Variants in CAMSAP2 observed in about 807,000 individuals in gnomAD.
The protein encoded by CAMSAP2 is calmodulin-regulated spectrin-associated protein 2.
In CAMSAP2, 26 loss-of-function variants were observed where a neutral mutation model predicts 146.1. The observed-to-expected ratio is 0.18, with a 90% confidence interval of 0.13 to 0.25. The LOEUF (loss-of-function observed/expected upper bound fraction) is 0.25. CAMSAP2 is among the 10% of genes least tolerant of loss of function. CAMSAP2 has a pLI of 1.00. For missense variants in CAMSAP2, 1,381 were observed against 1,759.3 expected (o/e 0.78, Z 3.85); for synonymous variants, 499 against 596.6 (o/e 0.84, Z 2.38).
In CAMSAP2 at chr1:200,848,641, C is replaced by T. The variant is rs184508081; in HGVS notation, c.1872C>T (p.Asp624=). The change falls in exon 11 of 17, where the codon GAC becomes GAT. Residue 624 remains aspartate (D), a synonymous_variant. Coordinates refer to ENST00000358823, the MANE Select transcript of CAMSAP2 (RefSeq NM_203459.4). ...CAGAAGATATTCCTGAAACTATGGACGAAGATTCTTCGTTGAGAGATTATA... is the reference window on the plus strand; with the variant it reads ...CAGAAGATATTCCTGAAACTATGGATGAAGATTCTTCGTTGAGAGATTATA... The part of the protein sequence containing the change: ...VPSEDIPETM[D]EDSSLRDYTV... 1.5e-5 allele frequency: 25 copies of T among 1,614,076 alleles called. No homozygotes were observed. Among genetic ancestry groups the T allele is most frequent in the Admixed American group, 1.2e-4 (7 of 60,014 alleles).
chr1:200,828,617 C>T (rs1421383559), intron 4 of CAMSAP2: 24 of 1,549,006 alleles, frequency 1.5e-5, no homozygotes, highest in East Asian at 2.4e-5. Context: ...TAAGTTTGCT[C>T]AGCTACTTCA....
At chr1:200,741,849 A>G (rs553566744) in intron 1 of CAMSAP2, among the ~76,000 whole-genome samples, 1 of 152,356 alleles carries the variant, frequency 6.6e-6, no homozygotes, top group African/African-American at 2.4e-5. Flanking sequence ...TTAGAGATTG[A>G]TAACAAGTCT....
At chr1:200,760,400 G>C (rs1255408759) in intron 1 of CAMSAP2, among the ~76,000 whole-genome samples, 1 of 152,196 alleles carries the variant, frequency 6.6e-6, no homozygotes, top group East Asian at 1.9e-4. Flanking sequence ...GTAAAACTGG[G>C]CAGATGATTT....
intron 2 of CAMSAP2, among the ~76,000 whole-genome samples, chr1:200,770,374 C>T (rs768328858): frequency 3.3e-5 from 5 of 151,928 alleles, no homozygotes; most frequent in South Asian, 4.2e-4. Context: ...ATTCTGTTTA[C>T]ACCATGAGGC....
chr1:200,757,567 C>A (rs1312553579), intron 1 of CAMSAP2, among the ~76,000 whole-genome samples: 4 of 151,342 alleles, frequency 2.6e-5, no homozygotes, highest in African/African-American at 4.9e-5. Context: ...TTTGATTTTG[C>A]TGTTTATTTT....
At chr1:200,806,743 T>TTG (rs138066870) in intron 2 of CAMSAP2, among the ~76,000 whole-genome samples, 7,934 of 144,554 alleles carry the variant, frequency 0.055, 330 homozygotes, top group Admixed American at 0.094. Context: ...TTCCATATAA[T>TTG]TGTGTGTGTG....
intron 3 of CAMSAP2, among the ~76,000 whole-genome samples, chr1:200,811,404 TA>T (rs1197177377): frequency 1.3e-5 from 2 of 152,180 alleles, no homozygotes; most frequent in African/African-American, 4.8e-5. Context: ...AGTATCCAGC[TA>T]CTCTAGCAGT....
chr1:200,845,205 T>A (rs1667427958), intron 8 of CAMSAP2, among the ~76,000 whole-genome samples: 1 of 151,960 alleles, frequency 6.6e-6, no homozygotes, highest in Non-Finnish European at 1.5e-5. Flanking sequence ...GAAATTCTAT[T>A]AGGACTTTTA....
chr1:200,792,314 A>G (rs1006634555), intron 2 of CAMSAP2, among the ~76,000 whole-genome samples: 1 of 152,218 alleles, frequency 6.6e-6, no homozygotes, highest in Non-Finnish European at 1.5e-5. Context: ...AAAGAAATGA[A>G]CTATTGATAC....
rs776831948 is a variant in CAMSAP2 at position 200,847,991 on chromosome 1, C to A, written c.1263-41C>A. 2.3e-6 allele frequency: 3 copies of A among 1,290,446 alleles called. No individual in the cohort carries two copies. The East Asian group carries it at 7.0e-5, about 30-fold the overall frequency. The allele number at this position is 1,290,446 out of a possible 1,614,324, so 79.9% of individuals were successfully genotyped here. On this transcript the variant is annotated intron_variant, in intron 10 of 16. Coordinates refer to ENST00000358823, the MANE Select transcript of CAMSAP2 (RefSeq NM_203459.4). ...TGTTAAATGATACTAAAAATCATTT[C>A]TAGGATTTTTAAAGGATTTTTCTCT...
intron 2 of CAMSAP2, among the ~76,000 whole-genome samples, chr1:200,774,220 A>T (rs1248706172): frequency 6.6e-6 from 1 of 152,152 alleles, no homozygotes; most frequent in African/African-American, 2.4e-5. Flanking sequence ...GGAATAAAAT[A>T]GGTGGTCATT....
intron 2 of CAMSAP2, among the ~76,000 whole-genome samples, chr1:200,768,552 G>A (rs1011904208): frequency 1.3e-5 from 2 of 152,184 alleles, no homozygotes; most frequent in African/African-American, 4.8e-5. Context: ...GTGGTGTATT[G>A]TAGAAGAGAT....
chr1:200,821,181 CT>C (rs1004489840), intron 4 of CAMSAP2, among the ~76,000 whole-genome samples: 16 of 148,056 alleles, frequency 1.1e-4, no homozygotes, highest in Middle Eastern at 3.5e-3. Context: ...TCTTCTTCTT[CT>C]TTTTTTTTTT....
chr1:200,782,178 T>C (rs950294656), intron 2 of CAMSAP2, among the ~76,000 whole-genome samples: 3 of 152,186 alleles, frequency 2.0e-5, no homozygotes, highest in African/African-American at 7.2e-5. Flanking sequence ...TAGAGCAGTT[T>C]GATATACATC....
chr1:200,795,567 A>G (rs1665863804), intron 2 of CAMSAP2, among the ~76,000 whole-genome samples: 1 of 152,178 alleles, frequency 6.6e-6, no homozygotes, highest in South Asian at 2.1e-4. Flanking sequence ...TATAGTCCAG[A>G]TGAAGTCGAT....
At chr1:200,821,947 T>C (rs1666776178) in intron 4 of CAMSAP2, among the ~76,000 whole-genome samples, 1 of 152,168 alleles carries the variant, frequency 6.6e-6, no homozygotes, top group South Asian at 2.1e-4. Flanking sequence ...TGGATTGGTA[T>C]AGATCTAATA....
At chr1:200,785,863 A>AT (rs1425126639) in intron 2 of CAMSAP2, among the ~76,000 whole-genome samples, 1 of 150,846 alleles carries the variant, frequency 6.6e-6, no homozygotes, top group Non-Finnish European at 1.5e-5. Context: ...AATTTTTTGT[A>AT]TTTTTAGTAG....
chr1:200,803,868 G>C (rs180945264), intron 2 of CAMSAP2, among the ~76,000 whole-genome samples: 1 of 151,738 alleles, frequency 6.6e-6, no homozygotes, highest in African/African-American at 2.4e-5. Context: ...TTCCCTTTCT[G>C]TTGTGTGTGC....
chr1:200,795,348 G>A (rs1182721526), intron 2 of CAMSAP2, among the ~76,000 whole-genome samples: 1 of 152,148 alleles, frequency 6.6e-6, no homozygotes, highest in African/African-American at 2.4e-5. Flanking sequence ...CTGTTCTTGG[G>A]CTTCTCTCTA....
Sources: allele counts gnomAD v4.1 joint callset (sites outside exome capture counted in the v4.1 genomes callset), GRCh38; gene constraint gnomAD v4.1.1; transcripts MANE v1.5; gene names NCBI Gene and HGNC (gene_info 2026-07-23, HGNC 2026-07-21).